ZRANB3: variants seen among roughly 807,000 people sequenced by gnomAD.
The protein encoded by ZRANB3 is zinc finger RANBP2-type containing 3.
Under a neutral mutation model 133.8 loss-of-function variants are expected in ZRANB3, and 125 were observed. The ratio of observed to expected loss-of-function variants is 0.93; its 90% CI spans 0.81 to 1.08. ZRANB3 has a LOEUF of 1.08. Among genes scored for constraint, ZRANB3 ranks in the 50% least tolerant of loss-of-function variants. The pLI, the probability that ZRANB3 is intolerant of heterozygous loss-of-function variation, is 0.00. For synonymous variants in ZRANB3, 387 were observed against 432.7 expected (o/e 0.89, Z 1.31); for missense variants, 1,229 against 1,275.5 (o/e 0.96, Z 0.56).
chr2:135,210,380 G>A (rs1434659649), intron 17 of ZRANB3, among the ~76,000 whole-genome samples: 1 of 151,980 alleles, frequency 6.6e-6, no homozygotes, highest in African/African-American at 2.4e-5. Flanking sequence ...TGTTGCCCAG[G>A]CTGGAGTGCA....
At chr2:135,355,994 T>C (rs1402895690) in intron 3 of ZRANB3, among the ~76,000 whole-genome samples, 1 of 152,188 alleles carries the variant, frequency 6.6e-6, no homozygotes, top group Non-Finnish European at 1.5e-5. Context: ...CCTGTCTATC[T>C]ATACATTTTG....
chr2:135,403,971 C>T (rs1687872537), intron 2 of ZRANB3, among the ~76,000 whole-genome samples: 1 of 152,066 alleles, frequency 6.6e-6, no homozygotes. Flanking sequence ...TCATCAAAGA[C>T]CAAAGGTAGA....
At chr2:135,420,897 G>A (rs1484417336) in intron 2 of ZRANB3, among the ~76,000 whole-genome samples, 1 of 152,022 alleles carries the variant, frequency 6.6e-6, no homozygotes, top group African/African-American at 2.4e-5. Flanking sequence ...TAATTTAGCT[G>A]GTGTTTAAAA....
chr2:135,360,598 G>A (rs375991393), intron 3 of ZRANB3, among the ~76,000 whole-genome samples: 1 of 152,016 alleles, frequency 6.6e-6, no homozygotes, highest in Non-Finnish European at 1.5e-5. Context: ...CCAGCTACTT[G>A]GGAGGCTGAG....
chr2:135,310,551 G>A (rs1682922374), intron 8 of ZRANB3, among the ~76,000 whole-genome samples: 1 of 152,028 alleles, frequency 6.6e-6, no homozygotes, highest in African/African-American at 2.4e-5. Flanking sequence ...CTACATCTAA[G>A]TCATCTATCA....
intron 8 of ZRANB3, among the ~76,000 whole-genome samples, chr2:135,292,660 A>G (rs1202661835): frequency 6.6e-6 from 1 of 152,200 alleles, no homozygotes; most frequent in Non-Finnish European, 1.5e-5. Flanking sequence ...TTAGACATGA[A>G]GTCCTTGCCC....
At chr2:135,204,039 C>T (rs945601367) in intron 19 of ZRANB3, among the ~76,000 whole-genome samples, 4 of 152,294 alleles carry the variant, frequency 2.6e-5, no homozygotes, top group African/African-American at 7.2e-5. Flanking sequence ...TTCAACTTCA[C>T]GGCTGCTGGC....
chr2:135,413,233 G>A (rs1047857887), intron 2 of ZRANB3, among the ~76,000 whole-genome samples: 5 of 152,142 alleles, frequency 3.3e-5, no homozygotes, highest in African/African-American at 1.2e-4. Context: ...TGCTAAGGAT[G>A]ACAAAGTAGA....
chr2:135,474,414 A>G (rs774045057), intron 2 of ZRANB3, among the ~76,000 whole-genome samples: 3 of 152,088 alleles, frequency 2.0e-5, no homozygotes, highest in Non-Finnish European at 4.4e-5. Context: ...CCAATGGTGG[A>G]GGTAGGGTAT....
At chr2:135,332,682 G>A (rs951964176) in intron 6 of ZRANB3, among the ~76,000 whole-genome samples, 7 of 152,042 alleles carry the variant, frequency 4.6e-5, no homozygotes, top group African/African-American at 1.2e-4. Flanking sequence ...CTAAGAAACC[G>A]TTCTACCTGG....
chr2:135,453,905 A>G (rs777346827), intron 2 of ZRANB3, among the ~76,000 whole-genome samples: 7 of 152,186 alleles, frequency 4.6e-5, no homozygotes, highest in Non-Finnish European at 1.0e-4. Context: ...GATACCAATT[A>G]TTGTATTAGT....
At chr2:135,283,780 A>T (rs1010401285) in intron 8 of ZRANB3, among the ~76,000 whole-genome samples, 1 of 152,130 alleles carries the variant, frequency 6.6e-6, no homozygotes, top group Non-Finnish European at 1.5e-5. Flanking sequence ...TACAGACTTT[A>T]AAGTCTGTAT....
At chr2:135,338,963 T>C (rs1199611847) in intron 6 of ZRANB3, among the ~76,000 whole-genome samples, 2 of 152,144 alleles carry the variant, frequency 1.3e-5, no homozygotes, top group Non-Finnish European at 2.9e-5. Flanking sequence ...GTTTGGTAGG[T>C]ATAGTGAAAT....
At chr2:135,336,608 A>G (rs1214538962) in intron 6 of ZRANB3, among the ~76,000 whole-genome samples, 1 of 152,232 alleles carries the variant, frequency 6.6e-6, no homozygotes, top group African/African-American at 2.4e-5. Flanking sequence ...GAGAAGCATG[A>G]TATTAATCTT....
At chr2:135,514,229 G>A (rs1276810517) in intron 1 of ZRANB3, among the ~76,000 whole-genome samples, 1 of 152,108 alleles carries the variant, frequency 6.6e-6, no homozygotes, top group Non-Finnish European at 1.5e-5. Flanking sequence ...AGTTACTTTG[G>A]GCAATATGGC....
intron 2 of ZRANB3, among the ~76,000 whole-genome samples, chr2:135,453,650 T>G (rs1179643781): frequency 6.6e-6 from 1 of 152,176 alleles, no homozygotes; most frequent in East Asian, 1.9e-4. Flanking sequence ...AAGAGTCACC[T>G]TTGCTCCAAT....
At chr2:135,527,538 ACT>A (rs1167751630) in intron 1 of ZRANB3, among the ~76,000 whole-genome samples, 8 of 151,448 alleles carry the variant, frequency 5.3e-5, no homozygotes, top group African/African-American at 1.7e-4. Flanking sequence ...ACAGAGCAAG[ACT>A]CTGTCGCAAA....
intron 2 of ZRANB3, among the ~76,000 whole-genome samples, chr2:135,424,400 A>T (rs900639350): frequency 6.6e-6 from 1 of 152,132 alleles, no homozygotes; most frequent in African/African-American, 2.4e-5. Flanking sequence ...CAAAATAAAA[A>T]AGAATAAACA....
chr2:135,505,707 T>A lies in ZRANB3; in HGVS notation c.-7-1211A>T, dbSNP rs185932425. 3.8e-3 allele frequency among the ~76,000 whole-genome samples: 575 copies of A among 152,348 alleles called. 1 individual carries two copies. Among genetic ancestry groups the A allele is most frequent in the Non-Finnish European group, 5.8e-3 (394 of 68,040 alleles). On this transcript the variant is annotated intron_variant, in intron 1 of 20. Coordinates refer to ENST00000264159, the MANE Select transcript of ZRANB3 (RefSeq NM_032143.4). ...GTCAAGAACAAAGCAAGTATTTATT[T>A]ATTAATAACAAATAGGTACTACATG...
Sources: gnomAD v4.1 joint callset for allele counts (sites outside exome capture counted in the v4.1 genomes callset) on GRCh38, gnomAD v4.1.1 for gene constraint, MANE v1.5 for transcripts, NCBI Gene and HGNC (gene_info 2026-07-23, HGNC 2026-07-21) for gene names.